BRINP3: variants seen among roughly 807,000 people sequenced by gnomAD.
The protein encoded by BRINP3 is BMP/retinoic acid inducible neural specific 3.
In BRINP3, 19 loss-of-function variants were observed where a neutral mutation model predicts 71.0. That is an observed-to-expected ratio of 0.27 (90% confidence interval 0.19 to 0.39). The LOEUF (loss-of-function observed/expected upper bound fraction) is 0.39, where lower values mean the gene tolerates loss of function less well. BRINP3 is among the 10% of genes least tolerant of loss of function. The pLI, the probability that BRINP3 is intolerant of heterozygous loss-of-function variation, is 1.00. For synonymous variants in BRINP3, 380 were observed against 337.7 expected, an observed-to-expected ratio of 1.13 and a Z score of -1.37; for missense variants, 959 against 940.8, an observed-to-expected ratio of 1.02 and a Z score of -0.25.
intron 6 of BRINP3, among the ~76,000 whole-genome samples, chr1:190,167,585 C>A (rs1405681710): frequency 6.6e-6 from 1 of 152,130 alleles, no homozygotes; most frequent in Non-Finnish European, 1.5e-5. Flanking sequence ...CCTCTTGCAG[C>A]TGTAGGGCTT....
At chr1:190,446,218 A>C (rs1675211187) in intron 2 of BRINP3, among the ~76,000 whole-genome samples, 1 of 152,114 alleles carries the variant, frequency 6.6e-6, no homozygotes, top group Non-Finnish European at 1.5e-5. Context: ...GTTTAATCTC[A>C]AAATTAGAGA....
At position 190,192,866 on chromosome 1, in the gene BRINP3, G is replaced by A. The variant is rs138162866; in HGVS notation, c.962-31976C>T. On this transcript the variant is annotated intron_variant, in intron 6 of 7. Coordinates refer to ENST00000367462, the MANE Select transcript of BRINP3 (RefSeq NM_199051.3). ...AACTGAATTACAACAGCCAAAAGCC[G>A]AGATTGGAAATATTCGGGGTAATAA... Among the ~76,000 whole-genome samples, 520 of 152,184 alleles carry A rather than the reference G, an allele frequency of 3.4e-3. 1 individual carries two copies. Among genetic ancestry groups the A allele is most frequent in the African/African-American group, 0.012 (489 of 41,574 alleles).
chr1:190,381,016 A>G (rs943434346), intron 2 of BRINP3, among the ~76,000 whole-genome samples: 3 of 152,126 alleles, frequency 2.0e-5, no homozygotes, highest in African/African-American at 7.2e-5. Context: ...CAAAAATACT[A>G]GATGACTTCT....
intron 2 of BRINP3, among the ~76,000 whole-genome samples, chr1:190,347,299 C>A (rs1228965885): frequency 6.6e-6 from 1 of 151,972 alleles, no homozygotes; most frequent in Non-Finnish European, 1.5e-5. Context: ...TGCCACCACG[C>A]CCTGCCAATT....
At chr1:190,397,868 C>A (rs1399095203) in intron 2 of BRINP3, among the ~76,000 whole-genome samples, 4 of 151,822 alleles carry the variant, frequency 2.6e-5, no homozygotes, top group African/African-American at 9.7e-5. Context: ...TGACATTTTT[C>A]TGAGTAATTA....
At chr1:190,412,600 C>T (rs1250802240) in intron 2 of BRINP3, among the ~76,000 whole-genome samples, 6 of 148,530 alleles carry the variant, frequency 4.0e-5, no homozygotes, top group Admixed American at 4.0e-4. Context: ...GTAGCTGGGA[C>T]TACAGGTGCC....
intron 7 of BRINP3, among the ~76,000 whole-genome samples, chr1:190,126,767 A>G (rs1332246799): frequency 6.6e-6 from 1 of 151,892 alleles, no homozygotes; most frequent in Non-Finnish European, 1.5e-5. Flanking sequence ...ATAGATTTTA[A>G]TATCAGGAAT....
intron 6 of BRINP3, among the ~76,000 whole-genome samples, chr1:190,162,662 A>G (rs564163642): frequency 6.6e-6 from 1 of 152,318 alleles, no homozygotes; most frequent in African/African-American, 2.4e-5. Context: ...GTAGGCATAC[A>G]TAGTTTAATT....
intron 4 of BRINP3, among the ~76,000 whole-genome samples, chr1:190,245,968 G>C (rs1659567026): frequency 6.6e-6 from 1 of 151,876 alleles, no homozygotes; most frequent in Admixed American, 6.6e-5. Context: ...ATTTCATGGT[G>C]TGTATGTGCC....
intron 6 of BRINP3, among the ~76,000 whole-genome samples, chr1:190,209,111 T>A (rs555566080): frequency 3.9e-4 from 60 of 152,220 alleles, no homozygotes; most frequent in African/African-American, 1.4e-3. Flanking sequence ...ATAATGTTAC[T>A]GTTTTACTGA....
At chr1:190,172,199 ATAAGT>A (rs1652075563) in intron 6 of BRINP3, among the ~76,000 whole-genome samples, 1 of 149,900 alleles carries the variant, frequency 6.7e-6, no homozygotes, top group Admixed American at 6.8e-5. Flanking sequence ...TAAATTTTTA[ATAAGT>A]TAATATCAGT....
chr1:190,149,300 A>G (rs2102415495), intron 7 of BRINP3, among the ~76,000 whole-genome samples: 1 of 152,266 alleles, frequency 6.6e-6, no homozygotes, highest in African/African-American at 2.4e-5. Context: ...TCTGCTATTT[A>G]GATAGGTATT....
At chr1:190,398,060 G>T (rs1452703964) in intron 2 of BRINP3, among the ~76,000 whole-genome samples, 1 of 151,934 alleles carries the variant, frequency 6.6e-6, no homozygotes, top group Non-Finnish European at 1.5e-5. Context: ...GCCACAAGCT[G>T]CAGCTTTAAA....
chr1:190,327,082 A>G (rs1319879000), intron 2 of BRINP3, among the ~76,000 whole-genome samples: 2 of 151,458 alleles, frequency 1.3e-5, no homozygotes, highest in Non-Finnish European at 2.9e-5. Context: ...TTGGGAGGCC[A>G]AGGCGGGTGG....
intron 6 of BRINP3, among the ~76,000 whole-genome samples, chr1:190,216,733 C>T (rs1181255065): frequency 5.9e-5 from 9 of 151,874 alleles, no homozygotes; most frequent in Admixed American, 5.9e-4. Context: ...CATTTACAAA[C>T]AGGTTATCTT....
chr1:190,303,078 G>A (rs879340474), intron 2 of BRINP3, among the ~76,000 whole-genome samples: 12 of 151,666 alleles, frequency 7.9e-5, no homozygotes, highest in East Asian at 1.9e-4. Context: ...AAAACATAAC[G>A]ATAATTCTTA....
intron 4 of BRINP3, among the ~76,000 whole-genome samples, chr1:190,257,782 CCT>C: frequency 1.3e-5 from 2 of 152,258 alleles, no homozygotes; most frequent in Non-Finnish European, 2.9e-5. Context: ...CACTCCAGAC[CCT>C]GTTTGCCTGG....
At chr1:190,436,555 T>G (rs992489704) in intron 2 of BRINP3, among the ~76,000 whole-genome samples, 1 of 151,896 alleles carries the variant, frequency 6.6e-6, no homozygotes, top group Admixed American at 6.6e-5. Flanking sequence ...TTTTGAATTA[T>G]AAATAGCAAA....
intron 2 of BRINP3, among the ~76,000 whole-genome samples, chr1:190,300,505 C>T (rs1664595522): frequency 1.3e-5 from 2 of 152,134 alleles, no homozygotes; most frequent in African/African-American, 4.8e-5. Context: ...CAGCAGTAAC[C>T]TCTGCAGACT....
Sources: gnomAD v4.1 joint callset for allele counts (sites outside exome capture counted in the v4.1 genomes callset) on GRCh38, gnomAD v4.1.1 for gene constraint, MANE v1.5 for transcripts, NCBI Gene and HGNC (gene_info 2026-07-23, HGNC 2026-07-21) for gene names.